Variants in RBL2 observed in about 807,000 individuals in gnomAD.
The protein encoded by RBL2 is RB transcriptional corepressor like 2.
In RBL2, 56 loss-of-function variants were observed where a neutral mutation model predicts 126.0. The ratio of observed to expected loss-of-function variants is 0.44; its 90% CI spans 0.36 to 0.56. The LOEUF (loss-of-function observed/expected upper bound fraction) is 0.56. Among genes scored for constraint, RBL2 ranks in the 20% least tolerant of loss-of-function variants. The pLI is 0.00. For synonymous variants in RBL2, 454 were observed against 478.5 expected (o/e 0.95, Z 0.67); for missense variants, 1,229 against 1,398.2 (o/e 0.88, Z 1.93).
chr16:53,437,445 T>G (rs1074182), intron 1 of RBL2, among the ~76,000 whole-genome samples: 81,743 of 151,938 alleles, frequency 0.54, 24,189 homozygotes, highest in African/African-American at 0.78. Flanking sequence ...AATGAATACA[T>G]TGAAGCTAAA....
chr16:53,488,528 ATAGGTG>A (rs1567750984), intron 21 of RBL2: 1 of 152,238 alleles, frequency 6.6e-6, no homozygotes, highest in Non-Finnish European at 1.5e-5. Flanking sequence ...TCTTGACGTA[ATAGGTG>A]ATAGCTGAAA....
chr16:53,467,234 C>T, intron 14 of RBL2, 65 bp downstream of exon 14: 2 of 1,326,186 alleles, frequency 1.5e-6, no homozygotes, highest in South Asian at 1.2e-5. Context: ...TTTCATCTAA[C>T]CCTACAAGTG....
Position 53,462,523 on chromosome 16 carries a change from T to TG in RBL2, c.1457-25dup, listed in dbSNP as rs763275389. The TG allele has an allele frequency of 1.3e-5, 17 of 1,357,108 alleles. No homozygotes were observed. In the African/African-American group the frequency reaches 1.7e-4, roughly 13 times the overall value. The allele number at this position is 1,357,108 out of a possible 1,614,324, so 84.1% of individuals were successfully genotyped here. The stretch of plus-strand genomic sequence containing the variant: ...TTATTTTCTTTGTGTGCCATTTTTG[T>TG]GGGGTTTTTTTTTTTATTATTTCTA... On this transcript the variant is annotated intron_variant, in intron 10 of 21. Transcript: ENST00000262133.
At chr16:53,461,612 A>C in intron 9 of RBL2, 129 bp from the exon 10 acceptor site, 1 of 533,912 alleles carries the variant, frequency 1.9e-6, no homozygotes, top group Non-Finnish European at 3.1e-6. Context: ...TCTTGGATTA[A>C]TTTGGGAAGT....
chr16:53,468,304 C>T (rs2058289672), intron 14 of RBL2, among the ~76,000 whole-genome samples: 1 of 152,032 alleles, frequency 6.6e-6, no homozygotes. Flanking sequence ...TGTGGGAGAC[C>T]TAGTGGGGAG....
At chr16:53,446,788 T>G (rs956001310) in intron 3 of RBL2, among the ~76,000 whole-genome samples, 1 of 152,358 alleles carries the variant, frequency 6.6e-6, no homozygotes, top group African/African-American at 2.4e-5. Flanking sequence ...CCACCTCACC[T>G]ATCTTGCCCT....
intron 3 of RBL2, among the ~76,000 whole-genome samples, chr16:53,445,326 CAAAAA>C (rs11360172): frequency 5.2e-5 from 6 of 114,528 alleles, no homozygotes; most frequent in African/African-American, 6.1e-5. Flanking sequence ...GACCTTGTCT[CAAAAA>C]AAAAAAAAAA....
At chr16:53,486,959 TAA>T (rs1459425300) in intron 21 of RBL2, among the ~76,000 whole-genome samples, 1 of 152,188 alleles carries the variant, frequency 6.6e-6, no homozygotes, top group Admixed American at 6.5e-5. Context: ...CATAACATTT[TAA>T]AATTACTTAG....
At chr16:53,466,503 G>T (rs909139739) in intron 13 of RBL2, among the ~76,000 whole-genome samples, 3 of 151,772 alleles carry the variant, frequency 2.0e-5, no homozygotes, top group African/African-American at 7.3e-5. Context: ...CCTGCAACTA[G>T]ATGGTCCCAT....
intron 4 of RBL2, among the ~76,000 whole-genome samples, chr16:53,448,136 A>G (rs2058080128): frequency 6.7e-6 from 1 of 148,838 alleles, no homozygotes; most frequent in Non-Finnish European, 1.5e-5. Flanking sequence ...TCTCATTATT[A>G]GATTAACTAG....
chr16:53,435,806 G>A, intron 1 of RBL2: 1 of 1,191,204 alleles, frequency 8.4e-7, no homozygotes, highest in Non-Finnish European at 1.1e-6. Context: ...TTTTTAATTT[G>A]TATTTGCATT....
At chr16:53,438,144 G>A (rs575576156) in intron 1 of RBL2, among the ~76,000 whole-genome samples, 1 of 152,352 alleles carries the variant, frequency 6.6e-6, no homozygotes, top group South Asian at 2.1e-4. Flanking sequence ...CACAGGTTCT[G>A]TGAGTAAGGA....
rs1367133501 is a variant in RBL2, at chr16:53,470,626, C to A, written c.2489C>A (p.Pro830His). 6.2e-7 allele frequency: 1 copy of A among 1,614,008 alleles called. No homozygotes were observed. The part of the protein sequence containing the change: ...GQSVTSSSNR[P>H]RKTSSLSLFF... ...TCTGTAACCAGCAGTAGTAATAGAC[C>A]CAGGAAGACCAGCTCTTTATCGCTT... is the stretch of plus-strand genomic sequence containing the variant. Residue 830 changes from proline to histidine, a missense_variant, in exon 16 of 22, where the codon CCC becomes CAC. Physicochemically the swap from Pro to His is moderately conservative, Grantham distance 77. Around this residue, in one of 2 missense-constraint regions of RBL2, gnomAD observed 1,070 missense variants for 1,274.3 expected, o/e 0.84. Transcript: ENST00000262133.
Position 53,479,982 on chromosome 16 carries a change from A to G in RBL2, c.2872A>G (p.Lys958Glu), listed in dbSNP as rs1351022516. The G allele has an allele frequency of 6.3e-7, 1 of 1,595,474 alleles. No homozygotes were observed. Among genetic ancestry groups the G allele is most frequent in the East Asian group, 2.2e-5 (1 of 44,782 alleles). ...SHQNSPTELNKDRTSRDSSPV... is the reference protein window; with the variant it reads ...SHQNSPTELNEDRTSRDSSPV... ...TCAGAATTCTCCAACAGAACTAAAC[A>G]AAGATAGAAGTAAGTGGGATCTTTG... The change falls in exon 19 of 22, where the codon AAA becomes GAA. Residue 958 changes from lysine (K) to glutamate (E), a missense_variant. Around this residue, in one of 2 missense-constraint regions of RBL2, gnomAD observed 1,070 missense variants for 1,274.3 expected, o/e 0.84. Coordinates refer to ENST00000262133, the MANE Select transcript of RBL2 (RefSeq NM_005611.4).
chr16:53,463,635 G>GTCGGCTTACTGCAACC (rs1259200810), intron 11 of RBL2, among the ~76,000 whole-genome samples: 5 of 139,928 alleles, frequency 3.6e-5, no homozygotes, highest in African/African-American at 1.4e-4. Flanking sequence ...GTGGTGCAAC[G>GTCGGCTTACTGCAACC]TCGGCTTACT....
At chr16:53,438,935 C>A in intron 1 of RBL2, 81 bp from the exon 2 acceptor site, 5 of 825,954 alleles carry the variant, frequency 6.1e-6, no homozygotes, top group Non-Finnish European at 6.3e-6. Flanking sequence ...ACAACACTTT[C>A]AATTTAAACA....
At chr16:53,484,097 C>A (rs1483330044) in intron 21 of RBL2, among the ~76,000 whole-genome samples, 1 of 152,114 alleles carries the variant, frequency 6.6e-6, no homozygotes, top group Non-Finnish European at 1.5e-5. Context: ...CAGTGATATT[C>A]CTAGTAGGAC....
chr16:53,448,483 T>C (rs542577276), intron 4 of RBL2, among the ~76,000 whole-genome samples: 2 of 149,874 alleles, frequency 1.3e-5, no homozygotes, highest in African/African-American at 4.9e-5. Context: ...CTTTATTTTT[T>C]ATTTTTATTT....
At chr16:53,468,230 C>T (rs2058289086) in intron 14 of RBL2, among the ~76,000 whole-genome samples, 1 of 152,102 alleles carries the variant, frequency 6.6e-6, no homozygotes, top group Admixed American at 6.6e-5. Context: ...AGAAGGAATA[C>T]CAGTTTTAAA....
Sources: gnomAD v4.1 joint callset for allele counts (sites outside exome capture counted in the v4.1 genomes callset) on GRCh38, gnomAD v4.1.1 for gene constraint, gnomAD v4.1.1 regional missense constraint, MANE v1.5 for transcripts, NCBI Gene and HGNC (gene_info 2026-07-23, HGNC 2026-07-21) for gene names.